Variants in USP53 observed in about 807,000 individuals in gnomAD.
USP53 encodes the protein ubiquitin specific peptidase 53.
In USP53, 71 loss-of-function variants were observed where a neutral mutation model predicts 94.9. The observed-to-expected ratio is 0.75, with a 90% CI of 0.62 to 0.91. The LOEUF (loss-of-function observed/expected upper bound fraction) is 0.91, where lower values mean the gene tolerates loss of function less well. USP53 is among the 40% of genes least tolerant of loss of function. USP53 has a pLI of 0.00. For synonymous variants in USP53, 375 were observed against 422.7 expected (o/e 0.89, Z 1.39); for missense variants, 1,173 against 1,281.0 (o/e 0.92, Z 1.29).
Position 119,261,839 on chromosome 4 carries a change from T to G in USP53, c.947T>G (p.Phe316Cys). The G allele has an allele frequency of 1.3e-6, 2 of 1,488,130 alleles. No individual in the cohort carries two copies. The highest frequency in any genetic ancestry group is 1.8e-6 in the Non-Finnish European group (2 of 1,099,594). 92.2% of individuals were successfully genotyped at this position (1,488,130 alleles called of 1,614,324 possible). Residue 316 changes from phenylalanine (F) to cysteine (C), a missense_variant, in exon 12 of 19, where the codon TTT becomes TGT. Coordinates refer to ENST00000692078, the MANE Select transcript of USP53 (RefSeq NM_001371395.1). ...AFHTKSSKWV[F>C]FDDANVKEIG... ...CACACCAAAAGTTCCAAATGGGTAT[T>G]TTTTGATGATGCAAATGTGAAAGAG...
Position 119,295,233 on chromosome 4 carries a change from C to A in USP53, c.*2022C>A, listed in dbSNP as rs1755147186. On this transcript the variant is annotated 3_prime_UTR_variant, in exon 19 of 19. Transcript: ENST00000692078. ...TTGAAACCTCCTGACTCATGTACTA[C>A]TACACAAACTAGAAAATGCCCATTT... The A allele has an allele frequency of 6.7e-6, 1 of 149,112 alleles. No individual in the cohort carries two copies. Among genetic ancestry groups the A allele is most frequent in the African/African-American group, 2.5e-5 (1 of 40,630 alleles). The allele number at this position is 149,112 out of a possible 1,614,324, so 9.2% of individuals were successfully genotyped here. A position where few individuals can be genotyped will look rare whatever the true frequency, so the allele number is the denominator to read the frequency against.
intron 7 of USP53, among the ~76,000 whole-genome samples, chr4:119,253,670 C>G (rs950011270): frequency 1.3e-5 from 2 of 152,100 alleles, no homozygotes; most frequent in African/African-American, 4.8e-5. Context: ...GACTCTTTAT[C>G]CAATTTGCCA....
rs1300615411 is a variant in USP53 at position 119,245,371 on chromosome 4, T to C, written c.179T>C (p.Leu60Ser). 1 of 1,613,906 alleles carries C rather than the reference T, an allele frequency of 6.2e-7. No homozygotes were observed. The highest frequency in any genetic ancestry group is 8.5e-7 in the Non-Finnish European group (1 of 1,179,902). The change falls in exon 6 of 19, where the codon TTG (leucine) becomes TCG (serine). Residue 60 changes from leucine (L) to serine (S), a missense_variant. Coordinates refer to ENST00000692078, the MANE Select transcript of USP53 (RefSeq NM_001371395.1). ...LWQLDIFRRS[L>S]RVLTGHVCQG... ...CAATTGGATATATTCCGACGAAGCT[T>C]GCGGGTTTTGACTGGACATGTTTGT... is the stretch of plus-strand genomic sequence containing the variant.
At chr4:119,273,796 C>G (rs1338678966) in intron 17 of USP53, 88 bp downstream of exon 17, 1 of 996,558 alleles carries the variant, frequency 1.0e-6, no homozygotes, top group East Asian at 2.7e-5. Context: ...AGAGAAAATC[C>G]TATATGACTA....
chr4:119,220,404 T>C (rs1458826311), intron 3 of USP53: 2 of 152,208 alleles, frequency 1.3e-5, no homozygotes, highest in Admixed American at 6.5e-5. Flanking sequence ...GAAGTACTTA[T>C]TTACATTGGA....
At chr4:119,290,908 C>T (rs1442284148) in intron 17 of USP53, among the ~76,000 whole-genome samples, 5 of 152,084 alleles carry the variant, frequency 3.3e-5, no homozygotes, top group African/African-American at 1.2e-4. Context: ...CTGCATGACC[C>T]AGCAGGAACA....
chr4:119,254,817 T>A (rs537849603), intron 7 of USP53, among the ~76,000 whole-genome samples: 1 of 152,356 alleles, frequency 6.6e-6, no homozygotes, highest in East Asian at 1.9e-4. Context: ...GTTTTTGTAA[T>A]TTTCAGCCTT....
intron 7 of USP53, among the ~76,000 whole-genome samples, chr4:119,254,589 C>G (rs987488797): frequency 2.6e-5 from 4 of 152,308 alleles, no homozygotes; most frequent in African/African-American, 4.8e-5. Flanking sequence ...TTAAGGTCTT[C>G]TCTACACTGT....
At chr4:119,264,606 G>A (rs1344892334) in intron 12 of USP53, among the ~76,000 whole-genome samples, 1 of 152,106 alleles carries the variant, frequency 6.6e-6, no homozygotes, top group Non-Finnish European at 1.5e-5. Flanking sequence ...TAGCCACAAT[G>A]GAAATACAAA....
At chr4:119,248,049 G>A (rs1383354884) in intron 6 of USP53, among the ~76,000 whole-genome samples, 1 of 151,954 alleles carries the variant, frequency 6.6e-6, no homozygotes, top group Non-Finnish European at 1.5e-5. Context: ...CTACTTTGGT[G>A]GGCTGTCATT....
rs1328671205 is a variant in USP53, at chr4:119,256,492, T to C, written c.538T>C (p.Phe180Leu). The C allele has an allele frequency of 1.2e-6, 2 of 1,614,100 alleles. No individual in the cohort carries two copies. The highest frequency in any genetic ancestry group is 1.1e-5 in the South Asian group (1 of 91,084). ...ASSDPLPFTE[F>L]VRYISTTALC... ...GTCAGATCCTCTACCTTTTACAGAA[T>C]TTGTGCGGTACATTTCTACAACAGC... Residue 180 changes from phenylalanine to leucine, a missense_variant, in exon 9 of 19, where the codon TTT (phenylalanine) becomes CTT (leucine). Physicochemically the swap from Phe to Leu is conservative, Grantham distance 22 (BLOSUM62 0). Coordinates refer to ENST00000692078, the MANE Select transcript of USP53 (RefSeq NM_001371395.1).
At position 119,269,775 on chromosome 4, in the gene USP53, T is replaced by A; in HGVS notation, c.1373T>A (p.Leu458Ter). ...CTGAAAGCTATTGAACAGAAAAACT[T>A]ACTTTCTTCACAAAGGAAAGATTTA... ...CALKAIEQKN[L>*]LSSQRKDLEK... The change falls in exon 15 of 19, where the codon TTA (leucine) becomes TAA (stop). Residue 458 changes from leucine (L) to a stop codon, truncating the protein, a stop_gained. Coordinates refer to ENST00000692078, the MANE Select transcript of USP53 (RefSeq NM_001371395.1). LOFTEE classifies it high-confidence loss of function. The A allele has an allele frequency of 6.6e-7, 1 of 1,517,994 alleles. No homozygotes were observed. The highest frequency in any genetic ancestry group is 8.8e-7 in the Non-Finnish European group (1 of 1,133,408). 94.0% of individuals were successfully genotyped at this position (1,517,994 alleles called of 1,614,324 possible).
chr4:119,233,472 G>A (rs1447918943), intron 3 of USP53, among the ~76,000 whole-genome samples: 1 of 151,894 alleles, frequency 6.6e-6, no homozygotes, highest in Non-Finnish European at 1.5e-5. Flanking sequence ...AATCTTATTA[G>A]ATATTGACAT....
chr4:119,288,330 T>G (rs754306054), intron 17 of USP53, among the ~76,000 whole-genome samples: 1 of 152,248 alleles, frequency 6.6e-6, no homozygotes, highest in Non-Finnish European at 1.5e-5. Flanking sequence ...AATGCTTGGC[T>G]TCATGTAAGA....
At chr4:119,227,679 A>G (rs1745504831) in intron 3 of USP53, among the ~76,000 whole-genome samples, 1 of 152,240 alleles carries the variant, frequency 6.6e-6, no homozygotes, top group Non-Finnish European at 1.5e-5. Flanking sequence ...TTAGGAAGGC[A>G]CTTTGGCAAT....
chr4:119,269,378 A>T lies in USP53; in HGVS notation c.1289-313A>T, dbSNP rs77439639. ...GACAGTAATTGTACCTCAAAGAAGTAAATGAGTAAGACAACTGGCAAATAG... is the reference window on the plus strand; with the variant it reads ...GACAGTAATTGTACCTCAAAGAAGTTAATGAGTAAGACAACTGGCAAATAG... On this transcript the variant is annotated intron_variant, in intron 14 of 18. Coordinates refer to ENST00000692078, the MANE Select transcript of USP53 (RefSeq NM_001371395.1). 3.1e-3 allele frequency among the ~76,000 whole-genome samples: 469 copies of T among 152,334 alleles called. 14 individuals carry two copies. In the East Asian group the frequency reaches 0.059, roughly 19 times the overall value.
intron 7 of USP53, among the ~76,000 whole-genome samples, chr4:119,255,794 C>T (rs1749692068): frequency 1.3e-5 from 2 of 152,196 alleles, no homozygotes; most frequent in Admixed American, 1.3e-4. Context: ...AACCAGGTAC[C>T]TCAATTGGAA....
chr4:119,249,620 C>G (rs1250734492), intron 7 of USP53, among the ~76,000 whole-genome samples: 1 of 151,342 alleles, frequency 6.6e-6, no homozygotes, highest in Non-Finnish European at 1.5e-5. Flanking sequence ...TATATTTAAG[C>G]CTCCTATTGG....
intron 9 of USP53, among the ~76,000 whole-genome samples, chr4:119,257,688 T>G (rs1000858661): frequency 1.3e-5 from 2 of 152,228 alleles, no homozygotes; most frequent in African/African-American, 4.8e-5. Context: ...TAAAGATTAT[T>G]GAATAATAAC....
Sources: gnomAD v4.1 joint callset for allele counts (sites outside exome capture counted in the v4.1 genomes callset) on GRCh38, gnomAD v4.1.1 for gene constraint, MANE v1.5 for transcripts, NCBI Gene and HGNC (gene_info 2026-07-23, HGNC 2026-07-21) for gene names.